Variants in ASMTL observed in about 807,000 individuals in gnomAD.
ASMTL encodes the protein probable bifunctional dTTP/UTP pyrophosphatase/methyltransferase protein.
Under a neutral mutation model 60.3 loss-of-function variants are expected in ASMTL, and 57 were observed. The observed-to-expected ratio is 0.95, with a 90% CI of 0.76 to 1.18. The LOEUF (loss-of-function observed/expected upper bound fraction) is 1.18, where lower values mean the gene tolerates loss of function less well. ASMTL is among the 50% of genes most tolerant of loss of function. The probability of loss-of-function intolerance (pLI) is 0.00; values close to 1 mark genes in which losing one functional copy is unlikely to be tolerated. For missense variants in ASMTL, 981 were observed against 852.6 expected (o/e 1.15, Z -1.88); for synonymous variants, 419 against 373.0 (o/e 1.12, Z -1.42).
chrX:1,406,039 A>ATGGG (rs1226987219), intron 12 of ASMTL, among the ~76,000 whole-genome samples: 2 of 149,590 alleles, frequency 1.3e-5, no homozygotes, highest in African/African-American at 4.9e-5. Context: ...ATGGTAGACG[A>ATGGG]TGGGTAGGTA....
chrX:1,434,300 G>A (rs1248578863), intron 5 of ASMTL, among the ~76,000 whole-genome samples: 1 of 151,944 alleles, frequency 6.6e-6, no homozygotes, highest in Non-Finnish European at 1.5e-5. Context: ...GACCAGTCTG[G>A]GCAACATAGC....
In ASMTL at chrX:1,439,116, A is replaced by C. The variant is rs767611793; in HGVS notation, c.254T>G (p.Ile85Ser). 1.2e-6 allele frequency: 2 copies of C among 1,613,876 alleles called. No homozygotes were observed. Among genetic ancestry groups the C allele is most frequent in the East Asian group, 4.5e-5 (2 of 44,894 alleles). The change falls in exon 3 of 13, where the codon ATT (isoleucine) becomes AGT (serine). Residue 85 changes from isoleucine to serine, a missense_variant. Ile to Ser is a moderately radical substitution (Grantham distance 142). Transcript: ENST00000381317. ...ACTCACCACGATCGTGTCCGCTCCA[A>C]TGACCACGTCGGGGGCCCGCAGGTC... ...QKDLRAPDVV[I>S]GADTIVTVGG...
At chrX:1,406,148 G>C (rs1358448607) in intron 12 of ASMTL, among the ~76,000 whole-genome samples, 1 of 149,464 alleles carries the variant, frequency 6.7e-6, no homozygotes, top group Non-Finnish European at 1.5e-5. Context: ...GCATGGATGA[G>C]ATGGATGGAT....
At chrX:1,435,394 C>G (rs182372205) in intron 4 of ASMTL, 1 of 604,302 alleles carries the variant, frequency 1.7e-6, no homozygotes, top group Non-Finnish European at 3.0e-6. Flanking sequence ...TCCCAGGCTA[C>G]GGGCTCAGGT....
At chrX:1,415,127 GA>G (rs1334216213) in intron 11 of ASMTL, among the ~76,000 whole-genome samples, 12 of 152,064 alleles carry the variant, frequency 7.9e-5, no homozygotes, top group Admixed American at 7.9e-4. Context: ...TTTTAGTAGA[GA>G]TGGGGTTTCA....
intron 8 of ASMTL, among the ~76,000 whole-genome samples, chrX:1,422,168 T>C (rs187965673): frequency 1.1e-4 from 17 of 152,298 alleles, no homozygotes; most frequent in African/African-American, 4.1e-4. Flanking sequence ...TTCCCAGTTA[T>C]GCAGGCAAAC....
chrX:1,412,983 G>C (rs2090092510), intron 11 of ASMTL, 129 bp from the exon 12 acceptor site: 2 of 1,029,416 alleles, frequency 1.9e-6, no homozygotes, highest in Admixed American at 3.8e-5. Flanking sequence ...GCGGGAATGG[G>C]TCTTCCTGAA....
At chrX:1,423,099 C>A (rs1321639828) in intron 8 of ASMTL, among the ~76,000 whole-genome samples, 1 of 152,112 alleles carries the variant, frequency 6.6e-6, no homozygotes, top group Non-Finnish European at 1.5e-5. Context: ...ACTACAGGCA[C>A]CCGCCACCGT....
chrX:1,417,287 A>G (rs2149290475), intron 11 of ASMTL, among the ~76,000 whole-genome samples: 1 of 87,874 alleles, frequency 1.1e-5, no homozygotes, highest in East Asian at 3.8e-4. Context: ...ACACAAATGC[A>G]GACACAGACG....
Position 1,430,765 on chromosome X carries a change from G to A in ASMTL, c.509+1504C>T, listed in dbSNP as rs187206730. ...CCAGCCTGGGTGACAGAGTGAGACC[G>A]TGTCTCAAAAAAATAAATAAAATTA... On this transcript the variant is annotated intron_variant, in intron 6 of 12. Coordinates refer to ENST00000381317, the MANE Select transcript of ASMTL (RefSeq NM_004192.4). 9.6e-3 allele frequency among the ~76,000 whole-genome samples: 1,422 copies of A among 148,322 alleles called. 18 individuals carry two copies. The highest frequency in any genetic ancestry group is 0.013 in the Non-Finnish European group (849 of 67,548).
chrX:1,432,091 C>CA, intron 6 of ASMTL, 178 bp downstream of exon 6: 1 of 616,298 alleles, frequency 1.6e-6, no homozygotes, highest in Non-Finnish European at 2.9e-6. Context: ...TTTGAGCCTC[C>CA]ATGGGTCAGT....
At chrX:1,418,270 C>G (rs1181303718) in intron 10 of ASMTL, 154 bp from the exon 11 acceptor site, 1 of 352,000 alleles carries the variant, frequency 2.8e-6, no homozygotes, top group Admixed American at 6.5e-5. Flanking sequence ...CGCTGGTATC[C>G]CAGACAAGAC....
chrX:1,430,399 G>A lies in ASMTL; in HGVS notation c.509+1870C>T, dbSNP rs113809702. Among the ~76,000 whole-genome samples the A allele has an allele frequency of 7.9e-3, 1,200 of 151,960 alleles. 18 individuals are homozygous for A. Among genetic ancestry groups the A allele is most frequent in the African/African-American group, 0.028 (1,147 of 41,442 alleles). ...CCTGTGGTATGTGTCTTCTTCTGCC[G>A]GGCTTATTTCAATTGATGTAAAATC... On this transcript the variant is annotated intron_variant, in intron 6 of 12. Transcript: ENST00000381317.
At chrX:1,420,091 TCCAAGCCTCCCTGTCTCTGTCTCC>T (rs1328174372) in intron 9 of ASMTL, among the ~76,000 whole-genome samples, 2 of 151,964 alleles carry the variant, frequency 1.3e-5, no homozygotes, top group East Asian at 3.9e-4. Flanking sequence ...TCTCTGTCTC[TCCAAGCCTCCCTGTCTCTGTCTCC>T]CATCTCCCTC....
rs750700284 is a variant in ASMTL, at chrX:1,418,055, C to G, written c.1440G>C (p.Val480=). The change falls in exon 11 of 13, where the codon GTG becomes GTC. Residue 480 remains valine, a synonymous_variant. Coordinates refer to ENST00000381317, the MANE Select transcript of ASMTL (RefSeq NM_004192.4). ...GCTCGATAATGTCTGGGAGGTCAAA[C>G]ACAGTCACCTGCATACGAGGGTACT... The part of the protein sequence containing the change: ...AREYPRMQVT[V]FDLPDIIELA... 1.9e-6 allele frequency: 3 copies of G among 1,613,448 alleles called. No homozygotes were observed. Among genetic ancestry groups the G allele is most frequent in the Non-Finnish European group, 1.7e-6 (2 of 1,179,654 alleles).
chrX:1,416,364 G>A (rs1317357774), intron 11 of ASMTL, among the ~76,000 whole-genome samples: 9,337 of 105,136 alleles, frequency 0.089, 2,750 homozygotes, highest in Non-Finnish European at 0.11. Flanking sequence ...GGCACACACA[G>A]ACGCAGACAT....
intron 7 of ASMTL, among the ~76,000 whole-genome samples, chrX:1,426,618 C>T (rs1434313232): frequency 3.4e-4 from 52 of 152,062 alleles, no homozygotes; most frequent in African/African-American, 1.2e-3. Flanking sequence ...TTTAGGAGGC[C>T]GAGGCGGGTG....
At chrX:1,450,596 C>T (rs1351897563) in intron 1 of ASMTL, among the ~76,000 whole-genome samples, 1 of 131,636 alleles carries the variant, frequency 7.6e-6, no homozygotes, top group Admixed American at 7.4e-5. Context: ...CTGGGTCACT[C>T]TCCCCTCCCC....
chrX:1,443,720 G>T (rs1389004226), intron 1 of ASMTL, among the ~76,000 whole-genome samples: 1 of 135,704 alleles, frequency 7.4e-6, no homozygotes, highest in African/African-American at 2.7e-5. Flanking sequence ...GGCCATCGTG[G>T]ACACACACCC....
Sources: gnomAD v4.1 joint callset for allele counts (sites outside exome capture counted in the v4.1 genomes callset) on GRCh38, gnomAD v4.1.1 for gene constraint, MANE v1.5 for transcripts, NCBI Gene and HGNC (gene_info 2026-07-23, HGNC 2026-07-21) for gene names.